The following COLEC12 variants were observed in gnomAD, a reference collection of about 807,000 sequenced individuals.
COLEC12 encodes the protein collectin subfamily member 12.
In COLEC12, 33 loss-of-function variants were observed where a neutral mutation model predicts 71.1. The ratio of observed to expected loss-of-function variants is 0.46; its 90% confidence interval spans 0.35 to 0.62. COLEC12 has a LOEUF of 0.62. COLEC12 is among the 20% of genes least tolerant of loss of function. COLEC12 has a pLI of 0.00. For missense variants in COLEC12, 765 were observed against 916.1 expected, an observed-to-expected ratio of 0.84 and a Z score of 2.13; for synonymous variants, 350 against 353.0, an observed-to-expected ratio of 0.99 and a Z score of 0.10.
chr18:495,193 CA>C (rs1387347578), intron 1 of COLEC12, among the ~76,000 whole-genome samples: 1 of 152,142 alleles, frequency 6.6e-6, no homozygotes, highest in Admixed American at 6.5e-5. Flanking sequence ...AAAAAGAAAT[CA>C]AATCACTGCT....
intron 8 of COLEC12, among the ~76,000 whole-genome samples, chr18:328,004 T>A (rs1436923929): frequency 1.3e-5 from 2 of 152,144 alleles, no homozygotes; most frequent in Non-Finnish European, 2.9e-5. Context: ...CTTCCTTTTT[T>A]TTTCCTCGTT....
intron 8 of COLEC12, among the ~76,000 whole-genome samples, chr18:328,079 A>T (rs1480779615): frequency 6.7e-6 from 1 of 149,008 alleles, no homozygotes; most frequent in Non-Finnish European, 1.5e-5. Flanking sequence ...CTCAAATGAT[A>T]CTCCCACCTC....
chr18:437,194 T>C (rs1916423879), intron 2 of COLEC12, among the ~76,000 whole-genome samples: 1 of 152,204 alleles, frequency 6.6e-6, no homozygotes, highest in Non-Finnish European at 1.5e-5. Flanking sequence ...TGAACACTGA[T>C]GATAGGACTG....
chr18:410,616 C>T (rs1255362269), intron 2 of COLEC12, among the ~76,000 whole-genome samples: 3 of 151,734 alleles, frequency 2.0e-5, no homozygotes, highest in Non-Finnish European at 2.9e-5. Context: ...GTAGAGACGG[C>T]GTTTCACCAT....
chr18:365,702 A>T (rs954723732), intron 2 of COLEC12, among the ~76,000 whole-genome samples: 8 of 152,174 alleles, frequency 5.3e-5, no homozygotes, highest in African/African-American at 1.9e-4. Context: ...CTAAAAAAAA[A>T]TTATCTGGAA....
At chr18:441,101 G>A (rs191781968) in intron 2 of COLEC12, among the ~76,000 whole-genome samples, 111,482 of 124,874 alleles carry the variant, frequency 0.89, 50,580 homozygotes, top group East Asian at 1. Context: ...ACAAAAAATT[G>A]GCCAGGCGTG....
intron 2 of COLEC12, among the ~76,000 whole-genome samples, chr18:375,823 G>C (rs1226752956): frequency 1.3e-5 from 2 of 152,218 alleles, no homozygotes; most frequent in African/African-American, 4.8e-5. Context: ...GGTTAGAACA[G>C]TATCTGCCTC....
chr18:326,795 A>G (rs1913855003), intron 8 of COLEC12, among the ~76,000 whole-genome samples: 1 of 152,240 alleles, frequency 6.6e-6, no homozygotes, highest in Non-Finnish European at 1.5e-5. Flanking sequence ...CAATTAAGTC[A>G]AGTCAGTTGA....
chr18:389,767 G>C (rs192911124), intron 2 of COLEC12, among the ~76,000 whole-genome samples: 1 of 152,190 alleles, frequency 6.6e-6, no homozygotes. Flanking sequence ...CTCCCTGAGA[G>C]AATCAGGCTT....
chr18:459,142 C>T (rs1425504029), intron 2 of COLEC12, among the ~76,000 whole-genome samples: 1 of 152,196 alleles, frequency 6.6e-6, no homozygotes, highest in Non-Finnish European at 1.5e-5. Context: ...CATGAGCCAC[C>T]AGACCTGGCA....
chr18:441,859 G>A (rs1284601104), intron 2 of COLEC12, among the ~76,000 whole-genome samples: 2 of 151,936 alleles, frequency 1.3e-5, no homozygotes, highest in South Asian at 2.1e-4. Flanking sequence ...AATTAGCCAG[G>A]TGTGGTGGCA....
intron 2 of COLEC12, among the ~76,000 whole-genome samples, chr18:443,667 T>C (rs189275673): frequency 6.6e-6 from 1 of 152,028 alleles, no homozygotes; most frequent in South Asian, 2.1e-4. Context: ...AGGAGAAGGG[T>C]TCTGTTAGCA....
At chr18:437,974 T>C (rs1018940611) in intron 2 of COLEC12, among the ~76,000 whole-genome samples, 3 of 152,254 alleles carry the variant, frequency 2.0e-5, no homozygotes, top group Non-Finnish European at 2.9e-5. Context: ...TAGAAATTTA[T>C]AGGCTACATA....
At chr18:364,508 T>C (rs1292966306) in intron 2 of COLEC12, among the ~76,000 whole-genome samples, 2 of 152,224 alleles carry the variant, frequency 1.3e-5, no homozygotes, top group Non-Finnish European at 1.5e-5. Flanking sequence ...TTTTATTCTA[T>C]GGGCACAGAG....
chr18:414,202 C>CA (rs1490353033), intron 2 of COLEC12, among the ~76,000 whole-genome samples: 1 of 152,070 alleles, frequency 6.6e-6, no homozygotes, highest in East Asian at 1.9e-4. Flanking sequence ...CAATGATTTC[C>CA]AAAATAAAAT....
intron 2 of COLEC12, among the ~76,000 whole-genome samples, chr18:456,180 T>C (rs1916868470): frequency 6.6e-6 from 1 of 152,184 alleles, no homozygotes; most frequent in African/African-American, 2.4e-5. Flanking sequence ...CTTCCACCTT[T>C]ATCCTGTCTC....
At chr18:355,394 G>T (rs1914609855) in intron 3 of COLEC12, among the ~76,000 whole-genome samples, 1 of 152,106 alleles carries the variant, frequency 6.6e-6, no homozygotes, top group Non-Finnish European at 1.5e-5. Flanking sequence ...CAGAGAAAAG[G>T]TGCTGTGGGC....
At position 402,025 on chromosome 18, in the gene COLEC12, A is replaced by C. The variant is rs2143616470; in HGVS notation, c.59-44503T>G. Among the ~76,000 whole-genome samples the C allele has an allele frequency of 1.3e-5, 2 of 152,308 alleles. 1 individual carries two copies. The highest frequency in any genetic ancestry group is 4.1e-4 in the South Asian group (2 of 4,822). On this transcript the variant is annotated intron_variant, in intron 2 of 9. Transcript: ENST00000400256. ...ACTCCTTCCAGGCTTGTGTGATTCC[A>C]CAATTCTATTCTACTTAGCATTGTT...
intron 2 of COLEC12, among the ~76,000 whole-genome samples, chr18:409,080 C>A (rs888795570): frequency 1.3e-4 from 19 of 151,172 alleles, no homozygotes; most frequent in African/African-American, 4.6e-4. Flanking sequence ...AAGTGATCCG[C>A]CTGCCTCAGC....
Sources: allele counts gnomAD v4.1 joint callset (sites outside exome capture counted in the v4.1 genomes callset), GRCh38; gene constraint gnomAD v4.1.1; transcripts MANE v1.5; gene names NCBI Gene and HGNC (gene_info 2026-07-23, HGNC 2026-07-21).